IMPA2: variants seen among roughly 807,000 people sequenced by gnomAD.
IMPA2 encodes inositol monophosphatase 2, also known as IMP 2.
Under a neutral mutation model 35.1 loss-of-function variants are expected in IMPA2, and 32 were observed. The ratio of observed to expected loss-of-function variants is 0.91; its 90% CI spans 0.69 to 1.23. The LOEUF (loss-of-function observed/expected upper bound fraction) is 1.23. Among genes scored for constraint, IMPA2 ranks in the 50% most tolerant of loss-of-function variants. The probability of loss-of-function intolerance (pLI) is 0.00; values close to 1 mark genes in which losing one functional copy is unlikely to be tolerated. For synonymous variants in IMPA2, 135 were observed against 160.6 expected (o/e 0.84, Z 1.20); for missense variants, 334 against 387.6 (o/e 0.86, Z 1.16).
intron 1 of IMPA2, among the ~76,000 whole-genome samples, chr18:11,985,813 A>G (rs890608810): frequency 3.9e-5 from 6 of 152,144 alleles, no homozygotes; most frequent in African/African-American, 1.4e-4. Flanking sequence ...TGCAAACCCT[A>G]TTGAAGCAAA....
rs1021710189 is a variant in IMPA2 at position 12,024,736 on chromosome 18, T to C, written c.491-3307T>C. The stretch of plus-strand genomic sequence containing the variant: ...TTTCTCCCCCTCCCTCCTCCCTCCC[T>C]GCCCTTCCTCCCTCTTTCTTTCACT... On this transcript the variant is annotated intron_variant, in intron 5 of 7. Coordinates refer to ENST00000269159, the MANE Select transcript of IMPA2 (RefSeq NM_014214.3). 2.0e-5 allele frequency among the ~76,000 whole-genome samples: 3 copies of C among 148,526 alleles called. No homozygotes were observed. The South Asian group carries it at 6.9e-4, about 34-fold the overall frequency.
chr18:12,019,046 G>A (rs1012970866), intron 5 of IMPA2, among the ~76,000 whole-genome samples: 16 of 151,676 alleles, frequency 1.1e-4, no homozygotes, highest in Non-Finnish European at 2.2e-4. Flanking sequence ...GGCTGGTCTC[G>A]AATTCCTGGC....
chr18:11,985,705 G>A (rs568895526), intron 1 of IMPA2, among the ~76,000 whole-genome samples: 1 of 152,268 alleles, frequency 6.6e-6, no homozygotes, highest in South Asian at 2.1e-4. Context: ...GTATGTTTTT[G>A]TCACCATGCC....
rs865849544 is a variant in IMPA2 at position 12,007,602 on chromosome 18, T to C, written c.231-2281T>C. Among the ~76,000 whole-genome samples, 13 of 144,902 alleles carry C rather than the reference T, an allele frequency of 9.0e-5. No homozygotes were observed. The East Asian group carries it at 9.8e-4, about 11-fold the overall frequency. ...TCTTTCTTTTCTTTTCTTTCTTTCTTTCTCTTTCTTTCTTTCTTTTTCTTT... is the reference window on the plus strand; with the variant it reads ...TCTTTCTTTTCTTTTCTTTCTTTCTCTCTCTTTCTTTCTTTCTTTTTCTTT... On this transcript the variant is annotated intron_variant, in intron 2 of 7. Coordinates refer to ENST00000269159, the MANE Select transcript of IMPA2 (RefSeq NM_014214.3).
chr18:12,004,606 C>G (rs904418894), intron 2 of IMPA2, among the ~76,000 whole-genome samples: 1 of 151,484 alleles, frequency 6.6e-6, no homozygotes, highest in Non-Finnish European at 1.5e-5. Flanking sequence ...TCTCTGCTCA[C>G]TGCAACCTCC....
chr18:12,001,597 G>A (rs1157675376), intron 2 of IMPA2, among the ~76,000 whole-genome samples: 1 of 152,164 alleles, frequency 6.6e-6, no homozygotes, highest in Non-Finnish European at 1.5e-5. Flanking sequence ...TTAGATACTC[G>A]CTGTTGTGTA....
At chr18:11,992,478 A>G (rs571220631) in intron 1 of IMPA2, among the ~76,000 whole-genome samples, 1 of 152,352 alleles carries the variant, frequency 6.6e-6, no homozygotes, top group Non-Finnish European at 1.5e-5. Context: ...GGGGTGAGAC[A>G]GGAAAGATAG....
chr18:12,022,669 A>C (rs983227197), intron 5 of IMPA2, among the ~76,000 whole-genome samples: 4 of 151,046 alleles, frequency 2.6e-5, no homozygotes, highest in Admixed American at 2.6e-4. Context: ...ATCATAAGAT[A>C]ATATTAAGTA....
At chr18:11,987,670 A>G (rs28475846) in intron 1 of IMPA2, among the ~76,000 whole-genome samples, 16,492 of 152,156 alleles carry the variant, frequency 0.11, 1,088 homozygotes, top group East Asian at 0.28. Flanking sequence ...GTCCAGTTTG[A>G]AGTTAATACG....
intron 2 of IMPA2, among the ~76,000 whole-genome samples, chr18:12,007,085 G>A (rs1182873609): frequency 1.3e-5 from 2 of 152,052 alleles, no homozygotes; most frequent in Admixed American, 6.5e-5. Context: ...AGCTGAGATC[G>A]CGCCATTGCA....
At chr18:12,007,647 C>CTTTCTTTCTTTCTTTCTT (rs1907303024) in intron 2 of IMPA2, among the ~76,000 whole-genome samples, 1 of 101,766 alleles carries the variant, frequency 9.8e-6, no homozygotes, top group East Asian at 2.8e-4. Context: ...TTCTTTCTTT[C>CTTTCTTTCTTTCTTTCTT]TTTCTTTCTT....
chr18:12,006,919 C>G (rs1907262572), intron 2 of IMPA2, among the ~76,000 whole-genome samples: 1 of 152,148 alleles, frequency 6.6e-6, no homozygotes, highest in Non-Finnish European at 1.5e-5. Flanking sequence ...ATCACGAGAT[C>G]AGGAGTTCAA....
chr18:12,007,151 AC>A (rs1182246005), intron 2 of IMPA2, among the ~76,000 whole-genome samples: 1 of 151,830 alleles, frequency 6.6e-6, no homozygotes, highest in Admixed American at 6.6e-5. Flanking sequence ...GACATCGAAT[AC>A]CATGAGATGC....
intron 5 of IMPA2, among the ~76,000 whole-genome samples, chr18:12,018,946 C>A (rs1055362029): frequency 3.9e-5 from 6 of 152,044 alleles, no homozygotes; most frequent in African/African-American, 1.5e-4. Context: ...ACCTCAGCCT[C>A]CCAAGTAGCT....
Position 11,981,607 on chromosome 18 carries a change from A to G in IMPA2, c.-63A>G, listed in dbSNP as rs1000653788. The G allele has an allele frequency of 2.7e-6, 3 of 1,097,296 alleles. No homozygotes were observed. The highest frequency in any genetic ancestry group is 3.3e-5 in the East Asian group (1 of 30,504). 68.0% of individuals were successfully genotyped at this position (1,097,296 alleles called of 1,614,324 possible). On this transcript the variant is annotated 5_prime_UTR_variant, in exon 1 of 8. Transcript: ENST00000269159. ...TGGAGCCTGGCGGCGGGACGGCGGGATCCGGTGGGAGCCGGAGTCCCGCCG... is the reference window on the plus strand; with the variant it reads ...TGGAGCCTGGCGGCGGGACGGCGGGGTCCGGTGGGAGCCGGAGTCCCGCCG...
intron 5 of IMPA2, among the ~76,000 whole-genome samples, chr18:12,022,884 T>A (rs2143821754): frequency 6.6e-6 from 1 of 151,124 alleles, no homozygotes; most frequent in Non-Finnish European, 1.5e-5. Flanking sequence ...AAGCAATTCT[T>A]GTGCTTTAGC....
At chr18:11,994,286 G>A (rs1906895834) in intron 1 of IMPA2, 1 of 152,146 alleles carries the variant, frequency 6.6e-6, no homozygotes, top group Admixed American at 6.5e-5. Context: ...TGAGGCGGGA[G>A]GATTGCTTGA....
In IMPA2 at chr18:11,988,801, T is replaced by C. The variant is rs139520716; in HGVS notation, c.96+7036T>C. 2.0e-4 allele frequency among the ~76,000 whole-genome samples: 31 copies of C among 152,322 alleles called. No individual in the cohort carries two copies. In the East Asian group the frequency reaches 5.8e-3, roughly 28 times the overall value. On this transcript the variant is annotated intron_variant, in intron 1 of 7. Coordinates refer to ENST00000269159, the MANE Select transcript of IMPA2 (RefSeq NM_014214.3). Reference sequence around the variant, plus strand: ...GAGCTGAGAGTCGAGTGTTCTCTTCTGTGCAGGTTAAGCTCGAATTGCCAG... The same window carrying C: ...GAGCTGAGAGTCGAGTGTTCTCTTCCGTGCAGGTTAAGCTCGAATTGCCAG...
In IMPA2 at chr18:11,991,502, G is replaced by A. The variant is rs1361298334; in HGVS notation, c.97-7552G>A. On this transcript the variant is annotated intron_variant, in intron 1 of 7. Coordinates refer to ENST00000269159, the MANE Select transcript of IMPA2 (RefSeq NM_014214.3). The surrounding 1 kb of genome is among the most constrained non-coding windows in gnomAD (Gnocchi z 4.1). ...CATGTGATAGGCGTGTTATTACCTG[G>A]GTACCCGATGAACTGTTAGGTTTTA... Among the ~76,000 whole-genome samples, 1 of 152,138 alleles carries A rather than the reference G, an allele frequency of 6.6e-6. No individual in the cohort carries two copies. Among genetic ancestry groups the A allele is most frequent in the Non-Finnish European group, 1.5e-5 (1 of 68,032 alleles).
Sources: allele counts gnomAD v4.1 joint callset (sites outside exome capture counted in the v4.1 genomes callset), GRCh38; gene constraint gnomAD v4.1.1; non-coding constraint Gnocchi (gnomAD v3.1); transcripts MANE v1.5; gene names NCBI Gene and HGNC (gene_info 2026-07-23, HGNC 2026-07-21).